SHCBP1L: variants seen among roughly 807,000 people sequenced by gnomAD.
SHCBP1L encodes the protein testicular spindle-associated protein SHCBP1L.
Under a neutral mutation model 62.5 loss-of-function variants are expected in SHCBP1L, and 67 were observed. The observed-to-expected ratio is 1.07, with a 90% CI of 0.88 to 1.31. SHCBP1L has a LOEUF of 1.31. SHCBP1L is among the 40% of genes most tolerant of loss of function. SHCBP1L has a pLI of 0.00. For synonymous variants in SHCBP1L, 284 were observed against 289.4 expected (o/e 0.98, Z 0.19); for missense variants, 823 against 809.8 (o/e 1.02, Z -0.20).
chr1:182,942,723 T>C lies in SHCBP1L; in HGVS notation c.556-2180A>G, dbSNP rs1325950389. 2.0e-5 allele frequency among the ~76,000 whole-genome samples: 3 copies of C among 152,216 alleles called. No individual in the cohort carries two copies. The East Asian group carries it at 5.8e-4, about 29-fold the overall frequency. On this transcript the variant is annotated intron_variant, in intron 2 of 9. Transcript: ENST00000367547. ...TAAAATGTTGGCACAAAATTAGTAT[T>C]AACACAAACACTTCCAAAATCTGTT... is the stretch of plus-strand genomic sequence containing the variant.
intron 2 of SHCBP1L, among the ~76,000 whole-genome samples, chr1:182,946,199 G>A (rs918075124): frequency 1.3e-5 from 2 of 151,782 alleles, no homozygotes; most frequent in East Asian, 1.9e-4. Context: ...TTCATTATGT[G>A]TTGGACACTA....
rs80148348 is a variant in SHCBP1L, at chr1:182,940,657, T to C, written c.556-114A>G. 2,533 of 756,406 alleles carry C rather than the reference T, an allele frequency of 3.3e-3. 35 individuals carry two copies. Among genetic ancestry groups the C allele is most frequent in the African/African-American group, 0.033 (1,859 of 56,644 alleles). The allele number at this position is 756,406 out of a possible 1,614,324, so 46.9% of individuals were successfully genotyped here. On this transcript the variant is annotated intron_variant, in intron 2 of 9. Transcript: ENST00000367547. ...AGTTTCTTCTTTTAAATTTATGACT[T>C]CTTCAACAATCAACATACAGAATAA... is the stretch of plus-strand genomic sequence containing the variant.
chr1:182,943,819 T>C (rs1651458713), intron 2 of SHCBP1L, among the ~76,000 whole-genome samples: 1 of 151,556 alleles, frequency 6.6e-6, no homozygotes, highest in African/African-American at 2.4e-5. Context: ...ACCAGGTTTG[T>C]TATGAAAAAT....
intron 5 of SHCBP1L, among the ~76,000 whole-genome samples, chr1:182,938,394 G>A (rs1040839841): frequency 7.9e-5 from 12 of 151,726 alleles, no homozygotes; most frequent in Admixed American, 4.6e-4. Flanking sequence ...GTGAGCCACC[G>A]CACCCAGCTT....
At chr1:182,904,558 T>C (rs1195492604) in intron 7 of SHCBP1L, 128 bp from the exon 8 acceptor site, 2 of 886,644 alleles carry the variant, frequency 2.3e-6, no homozygotes, top group African/African-American at 1.7e-5. Flanking sequence ...TGTGTGTGTG[T>C]GTGTGTGTGT....
At position 182,939,484 on chromosome 1, in the gene SHCBP1L, A is replaced by C; in HGVS notation, c.840T>G (p.Ile280Met). Residue 280 changes from isoleucine (I) to methionine (M), a missense_variant, in exon 4 of 10, where the codon ATT (isoleucine) becomes ATG (methionine). Transcript: ENST00000367547. Reference protein sequence around the residue: ...EESCENYTALIEERINLWCDI... With the variant: ...EESCENYTALMEERINLWCDI... ...ATACTTACAAATTAATTCTTTCTTC[A>C]ATAAGTGCAGTATAATTCTCACAAC... 1 of 1,606,090 alleles carries C rather than the reference A, an allele frequency of 6.2e-7. No individual in the cohort carries two copies. Among genetic ancestry groups the C allele is most frequent in the Non-Finnish European group, 8.5e-7 (1 of 1,176,820 alleles).
chr1:182,949,428 T>C (rs1470615305), intron 2 of SHCBP1L, among the ~76,000 whole-genome samples: 1 of 152,144 alleles, frequency 6.6e-6, no homozygotes, highest in African/African-American at 2.4e-5. Flanking sequence ...CTGGGCATGG[T>C]GGCTCTGCCT....
chr1:182,945,859 A>G (rs1651549895), intron 2 of SHCBP1L, among the ~76,000 whole-genome samples: 2 of 152,160 alleles, frequency 1.3e-5, no homozygotes, highest in Non-Finnish European at 2.9e-5. Context: ...CGGGAGTTCC[A>G]GACCAGCCTG....
chr1:182,924,705 A>AAAGGAAAGGAAGGG (rs1571345911), intron 6 of SHCBP1L, among the ~76,000 whole-genome samples: 19 of 31,390 alleles, frequency 6.1e-4, no homozygotes, highest in African/African-American at 3.0e-3. Context: ...GGAAAGGAAG[A>AAAGGAAAGGAAGGG]AAGAAAGAAA....
intron 4 of SHCBP1L, 36 bp downstream of exon 4, chr1:182,939,431 T>C: frequency 6.2e-7 from 1 of 1,608,158 alleles, no homozygotes; most frequent in Non-Finnish European, 8.5e-7. Context: ...GTTTATTTTT[T>C]CTAATGTGCG....
At chr1:182,951,082 G>T (rs1334171585) in intron 2 of SHCBP1L, among the ~76,000 whole-genome samples, 1 of 151,988 alleles carries the variant, frequency 6.6e-6, no homozygotes, top group East Asian at 1.9e-4. Flanking sequence ...CATTAGTTGA[G>T]CAAAAACTAG....
At chr1:182,943,141 G>T (rs1288305422) in intron 2 of SHCBP1L, among the ~76,000 whole-genome samples, 1 of 152,034 alleles carries the variant, frequency 6.6e-6, no homozygotes, top group Admixed American at 6.6e-5. Flanking sequence ...TTAAGAAACA[G>T]GGTTTCACTC....
At chr1:182,923,319 C>T (rs1650579410) in intron 6 of SHCBP1L, among the ~76,000 whole-genome samples, 1 of 152,274 alleles carries the variant, frequency 6.6e-6, no homozygotes, top group East Asian at 1.9e-4. Flanking sequence ...AGAGTTGCTA[C>T]CAATCCTGCT....
At position 182,945,282 on chromosome 1, in the gene SHCBP1L, T is replaced by A. The variant is rs373062193; in HGVS notation, c.556-4739A>T. Among the ~76,000 whole-genome samples, 5 of 152,300 alleles carry A rather than the reference T, an allele frequency of 3.3e-5. No homozygotes were observed. The East Asian group carries it at 7.7e-4, about 24-fold the overall frequency. ...CCCAGCCATTTGCTCATTTTCTACG[T>A]GGCTTTCATTAATTTAGCCCCAAAT... On this transcript the variant is annotated intron_variant, in intron 2 of 9. Coordinates refer to ENST00000367547, the MANE Select transcript of SHCBP1L (RefSeq NM_030933.4).
At position 182,924,797 on chromosome 1, in the gene SHCBP1L, A is replaced by G. The variant is rs200512301; in HGVS notation, c.1182+4850T>C. ...GAAAGAAAGAAAGAAAGAGAGAAAG[A>G]AAGGAAGGAAGGAAGGAGGGAAGAG... On this transcript the variant is annotated intron_variant, in intron 6 of 9. Coordinates refer to ENST00000367547, the MANE Select transcript of SHCBP1L (RefSeq NM_030933.4). Among the ~76,000 whole-genome samples the G allele has an allele frequency of 5.7e-3, 693 of 122,632 alleles. 55 individuals carry two copies. Among genetic ancestry groups the G allele is most frequent in the African/African-American group, 0.024 (533 of 22,612 alleles). 80.5% of individuals were successfully genotyped at this position (122,632 alleles called of 152,430 possible).
At chr1:182,942,350 T>C (rs372078197) in intron 2 of SHCBP1L, 4 of 785,544 alleles carry the variant, frequency 5.1e-6, no homozygotes. Flanking sequence ...CGATCTCCTG[T>C]TGGGCTCTTC....
chr1:182,907,473 T>C (rs73044356), intron 6 of SHCBP1L, among the ~76,000 whole-genome samples: 6,054 of 149,382 alleles, frequency 0.041, 377 homozygotes, highest in African/African-American at 0.14. Context: ...TAAATCCAAA[T>C]ATAAAATTTG....
chr1:182,945,582 A>T (rs549910487), intron 2 of SHCBP1L, among the ~76,000 whole-genome samples: 1 of 152,272 alleles, frequency 6.6e-6, no homozygotes, highest in East Asian at 1.9e-4. Flanking sequence ...TGTAGATGAC[A>T]TCCATTAACT....
rs147451348 is a variant in SHCBP1L, at chr1:182,945,712, C to T, written c.556-5169G>A. Among the ~76,000 whole-genome samples, 6 of 152,258 alleles carry T rather than the reference C, an allele frequency of 3.9e-5. No homozygotes were observed. In the East Asian group the frequency reaches 1.2e-3, roughly 29 times the overall value. On this transcript the variant is annotated intron_variant, in intron 2 of 9. Coordinates refer to ENST00000367547, the MANE Select transcript of SHCBP1L (RefSeq NM_030933.4). Reference sequence around the variant, plus strand: ...AAATTATACAGTGGGATATCACTTTCCCTAAAATTTTTGAAAATACATTTT... The same window carrying T: ...AAATTATACAGTGGGATATCACTTTTCCTAAAATTTTTGAAAATACATTTT...
Sources: allele counts gnomAD v4.1 joint callset (sites outside exome capture counted in the v4.1 genomes callset), GRCh38; gene constraint gnomAD v4.1.1; transcripts MANE v1.5; gene names NCBI Gene and HGNC (gene_info 2026-07-23, HGNC 2026-07-21).